Variants in SALL1 observed in about 807,000 individuals in gnomAD.
The protein encoded by SALL1 is sal-like protein 1.
In SALL1, 10 loss-of-function variants were observed where a neutral mutation model predicts 73.1. That is an observed-to-expected ratio of 0.14 (90% CI 0.08 to 0.23). The LOEUF (loss-of-function observed/expected upper bound fraction) is 0.23. SALL1 is among the 10% of genes least tolerant of loss of function. The pLI is 1.00. For missense variants in SALL1, 1,520 were observed against 1,697.3 expected, an observed-to-expected ratio of 0.90 and a Z score of 1.84; for synonymous variants, 688 against 689.8, an observed-to-expected ratio of 1.00 and a Z score of 0.04.
intron 1 of SALL1, among the ~76,000 whole-genome samples, chr16:51,145,739 C>T (rs1357159043): frequency 6.6e-6 from 1 of 152,082 alleles, no homozygotes; most frequent in East Asian, 1.9e-4. Flanking sequence ...ATGTCCCACA[C>T]AGAAAGGTTT....
In SALL1 at chr16:51,139,681, G is replaced by A. The variant is rs1962378599; in HGVS notation, c.2541C>T (p.Ser847=). 1 of 1,614,110 alleles carries A rather than the reference G, an allele frequency of 6.2e-7. No individual in the cohort carries two copies. Among genetic ancestry groups the A allele is most frequent in the African/African-American group, 1.3e-5 (1 of 74,942 alleles). The change falls in exon 2 of 3, where the codon TCC becomes TCT. Residue 847 remains serine, a synonymous_variant. Coordinates refer to ENST00000251020, the MANE Select transcript of SALL1 (RefSeq NM_002968.3). ...IPDTPKSADA[S]QDSLSSSPLP... ...AAGGCGAAGAGGATAAGCTGTCTTG[G>A]GAGGCGTCTGCAGACTTAGGTGTAT...
In SALL1 at chr16:51,140,278, G is replaced by A. The variant is rs764320248; in HGVS notation, c.1944C>T (p.Asp648=). 1 of 1,614,166 alleles carries A rather than the reference G, an allele frequency of 6.2e-7. No individual in the cohort carries two copies. Among genetic ancestry groups the A allele is most frequent in the Non-Finnish European group, 8.5e-7 (1 of 1,180,052 alleles). ...TGGTGGCACTGCCCGCGGGGCCGCA[G>A]TCTGCCGCTGGGGAGCTCAGGACGC... is the stretch of plus-strand genomic sequence containing the variant. ...SSSVLSSPAA[D]CGPAGSATTF... The change falls in exon 2 of 3, where the codon GAC becomes GAT. Residue 648 remains aspartate (D), a synonymous_variant. Transcript: ENST00000251020. The surrounding 1 kb of genome is among the most constrained non-coding windows in gnomAD (Gnocchi z 5.7).
rs1278062163 is a variant in SALL1 at position 51,142,239 on chromosome 16, A to G, written c.77-94T>C. On this transcript the variant is annotated intron_variant, in intron 1 of 2. Transcript: ENST00000251020. ...AAAAAAGGCTAATCAATGGTTTTCCACCTGCAAAACTCAAAACTGTAGCCC... is the reference window on the plus strand; with the variant it reads ...AAAAAAGGCTAATCAATGGTTTTCCGCCTGCAAAACTCAAAACTGTAGCCC... The G allele has an allele frequency of 3.1e-6, 3 of 969,960 alleles. No homozygotes were observed. In the African/African-American group the frequency reaches 4.9e-5, roughly 16 times the overall value. 60.1% of individuals were successfully genotyped at this position (969,960 alleles called of 1,614,324 possible).
rs1305658369 is a variant in SALL1 at position 51,138,884 on chromosome 16, A to G, written c.3338T>C (p.Leu1113Pro). 1.2e-6 allele frequency: 2 copies of G among 1,614,238 alleles called. No individual in the cohort carries two copies. Among genetic ancestry groups the G allele is most frequent in the Non-Finnish European group, 1.7e-6 (2 of 1,180,050 alleles). Reference sequence around the variant, plus strand: ...AACTGGGGATGTGGCAGAGGAAGACAGAGGCCCAGACGGGACGTGACTGGT... The same window carrying G: ...AACTGGGGATGTGGCAGAGGAAGACGGAGGCCCAGACGGGACGTGACTGGT... ...TPTSHVPSGP[L>P]SSSATSPVLL... Residue 1113 changes from leucine to proline, a missense_variant, in exon 2 of 3, where the codon CTG becomes CCG. By Grantham distance (98) the Leu-to-Pro change is moderately conservative. Coordinates refer to ENST00000251020, the MANE Select transcript of SALL1 (RefSeq NM_002968.3).
At chr16:51,143,416 G>GAAAA (rs34204387) in intron 1 of SALL1, 1,577 of 246,038 alleles carry the variant, frequency 6.4e-3, no homozygotes, top group South Asian at 0.015. Flanking sequence ...AGGCTGTGAA[G>GAAAA]AAAAAAAAAA....
rs1227359898 is a variant in SALL1 at position 51,137,497 on chromosome 16, A to T, written c.3590T>A (p.Leu1197His). ...NSTPARRGRR[L>H]SVDGPMTFLG... The stretch of plus-strand genomic sequence containing the variant: ...AAATGTCATGGGGCCATCCACAGAG[A>T]GCCGCCGACCCCGTCGTGCAGGGGT... The change falls in exon 3 of 3, where the codon CTC becomes CAC. Residue 1197 changes from leucine (L) to histidine (H), a missense_variant. Physicochemically the swap from Leu to His is moderately conservative, Grantham distance 99 (BLOSUM62 -3). Around this residue, in one of 7 missense-constraint regions of SALL1, gnomAD observed 318 missense variants for 357.1 expected, o/e 0.89. Coordinates refer to ENST00000251020, the MANE Select transcript of SALL1 (RefSeq NM_002968.3). 1 of 1,613,926 alleles carries T rather than the reference A, an allele frequency of 6.2e-7. No homozygotes were observed. Among genetic ancestry groups the T allele is most frequent in the Non-Finnish European group, 8.5e-7 (1 of 1,179,984 alleles).
Position 51,137,286 on chromosome 16 carries a change from G to C in SALL1, c.3801C>G (p.Leu1267=). The change falls in exon 3 of 3, where the codon CTC becomes CTG. Residue 1267 remains leucine, a synonymous_variant. Transcript: ENST00000251020. ...NGGIPPIPGS[L]GSGNSSPVSG... ...TAACAGGTGAGCTGTTCCCACTGCC[G>C]AGGCTTCCAGGAATTGGAGGGATGC... The C allele has an allele frequency of 6.2e-7, 1 of 1,614,034 alleles. No individual in the cohort carries two copies. The highest frequency in any genetic ancestry group is 8.5e-7 in the Non-Finnish European group (1 of 1,180,018).
chr16:51,141,758 C>T lies in SALL1; in HGVS notation c.464G>A (p.Ser155Asn), dbSNP rs1204817634. ...SSTAPSSSSSSSSSSGGGGSS... is the reference protein window; with the variant it reads ...SSTAPSSSSSNSSSSGGGGSS... ...GCCGCCGCCGCCGCTGCTGCTGCTGCTGCTGCTGCTGCTGCTTGGGGCGGT... is the reference window on the plus strand; with the variant it reads ...GCCGCCGCCGCCGCTGCTGCTGCTGTTGCTGCTGCTGCTGCTTGGGGCGGT... The change falls in exon 2 of 3, where the codon AGC (serine) becomes AAC (asparagine). Residue 155 changes from serine to asparagine, a missense_variant. By Grantham distance (46) the Ser-to-Asn change is conservative (BLOSUM62 1). Coordinates refer to ENST00000251020, the MANE Select transcript of SALL1 (RefSeq NM_002968.3). This position sits in a 1 kb window ranked among gnomAD's most constrained non-coding sequence, Gnocchi z 5.4. The T allele has an allele frequency of 1.2e-6, 2 of 1,613,196 alleles. No homozygotes were observed. The highest frequency in any genetic ancestry group is 1.7e-6 in the Non-Finnish European group (2 of 1,179,496).
chr16:51,137,642 C>A (rs941429186), intron 2 of SALL1, 90 bp from the exon 3 acceptor site: 14 of 976,228 alleles, frequency 1.4e-5, no homozygotes, highest in Non-Finnish European at 1.9e-5. Context: ...GAATCTGTCT[C>A]AACTCATATC....
chr16:51,140,540 G>T lies in SALL1; in HGVS notation c.1682C>A (p.Pro561Gln). 6.2e-7 allele frequency: 1 copy of T among 1,613,876 alleles called. No individual in the cohort carries two copies. Among genetic ancestry groups the T allele is most frequent in the African/African-American group, 1.3e-5 (1 of 75,006 alleles). ...GAAGGGTATGAGGCTTGGGAGGGTT[G>T]GGGGCAACGGCAGGCCGACTGAAGT... ...LTTSVGLPLPPTLPSLIPFIK... is the reference protein window; with the variant it reads ...LTTSVGLPLPQTLPSLIPFIK... The change falls in exon 2 of 3, where the codon CCA becomes CAA. Residue 561 changes from proline (P) to glutamine (Q), a missense_variant. Around this residue, in one of 7 missense-constraint regions of SALL1, gnomAD observed 276 missense variants for 259.1 expected, o/e 1.07. Coordinates refer to ENST00000251020, the MANE Select transcript of SALL1 (RefSeq NM_002968.3). This position sits in a 1 kb window ranked among gnomAD's most constrained non-coding sequence, Gnocchi z 5.7.
chr16:51,142,767 C>T (rs896200585), intron 1 of SALL1, among the ~76,000 whole-genome samples: 1 of 152,188 alleles, frequency 6.6e-6, no homozygotes. Flanking sequence ...CCAGACCGTT[C>T]CTCAAAACTC....
rs1962369671 is a variant in SALL1, at chr16:51,139,385, T to C, written c.2837A>G (p.Glu946Gly). The C allele has an allele frequency of 6.2e-7, 1 of 1,614,196 alleles. No individual in the cohort carries two copies. The highest frequency in any genetic ancestry group is 8.5e-7 in the Non-Finnish European group (1 of 1,180,026). ...GCTTGGGACCGCTCTCTGTGGTTTC[T>C]CCTCAATGCTGGGTGACTTGTGGAA... ...QEFHKSPSIE[E>G]KPQRAVPSEF... The change falls in exon 2 of 3, where the codon GAG becomes GGG. Residue 946 changes from glutamate (E) to glycine (G), a missense_variant. Glu to Gly is a moderately conservative substitution (Grantham distance 98, BLOSUM62 -2). Around this residue, in one of 7 missense-constraint regions of SALL1, gnomAD observed 266 missense variants for 275.1 expected, o/e 0.97. Transcript: ENST00000251020.
Position 51,136,675 on chromosome 16 carries a change from G to T in SALL1, c.*437C>A, listed in dbSNP as rs371127619. The T allele has an allele frequency of 1.9e-3, 337 of 176,386 alleles. 2 individuals are homozygous for T. The South Asian group carries it at 0.025, about 13-fold the overall frequency. The allele number at this position is 176,386 out of a possible 1,614,324, so 10.9% of individuals were successfully genotyped here. ...GATAAAATTTTCCAGCAGGATCAAA[G>T]TGTACATGTATATACAGACTTTATT... is the stretch of plus-strand genomic sequence containing the variant. On this transcript the variant is annotated 3_prime_UTR_variant, in exon 3 of 3. Transcript: ENST00000251020.
At chr16:51,147,379 A>C (rs1048100786) in intron 1 of SALL1, among the ~76,000 whole-genome samples, 2 of 152,228 alleles carry the variant, frequency 1.3e-5, no homozygotes, top group African/African-American at 2.4e-5. Context: ...AGAATCTTCC[A>C]TTATGACAAA....
intron 2 of SALL1, 41 bp from the exon 3 acceptor site, chr16:51,137,593 AG>A: frequency 3.3e-6 from 5 of 1,502,026 alleles, no homozygotes; most frequent in Non-Finnish European, 4.6e-6. Context: ...AGAGAGAGAG[AG>A]AGAAAAAAAA....
At chr16:51,144,274 C>T (rs189657277) in intron 1 of SALL1, among the ~76,000 whole-genome samples, 2 of 152,218 alleles carry the variant, frequency 1.3e-5, no homozygotes, top group Admixed American at 6.5e-5. Flanking sequence ...GTTATGTTTC[C>T]ATCTACTTTT....
At chr16:51,137,582 C>G (rs763320433) in intron 2 of SALL1, 30 bp from the exon 3 acceptor site, 26 of 1,503,196 alleles carry the variant, frequency 1.7e-5, no homozygotes, top group Non-Finnish European at 2.0e-5. Context: ...GGCAGAGAGA[C>G]AGAGAGAGAG....
At position 51,150,465 on chromosome 16, in the gene SALL1, C is replaced by A; in HGVS notation, c.76+701G>T. On this transcript the variant is annotated intron_variant, in intron 1 of 2. Coordinates refer to ENST00000251020, the MANE Select transcript of SALL1 (RefSeq NM_002968.3). ...TTTGCGAGCCAGACCCCGACACTTT[C>A]CCCGTCCGTTTGCACCGTCTCCGGA... 3 of 985,588 alleles carry A rather than the reference C, an allele frequency of 3.0e-6. No homozygotes were observed. In the South Asian group the frequency reaches 1.4e-4, roughly 46 times the overall value. 61.1% of individuals were successfully genotyped at this position (985,588 alleles called of 1,614,324 possible). A position where few individuals can be genotyped will look rare whatever the true frequency, so the allele number is the denominator to read the frequency against.
intron 2 of SALL1, 154 bp downstream of exon 2, chr16:51,138,534 A>C: frequency 9.8e-7 from 1 of 1,016,312 alleles, no homozygotes; most frequent in South Asian, 1.8e-5. Context: ...CCTCTCCCCC[A>C]TTTCTCCCCC....
Sources: gnomAD v4.1 joint callset for allele counts (sites outside exome capture counted in the v4.1 genomes callset) on GRCh38, gnomAD v4.1.1 for gene constraint, gnomAD v4.1.1 regional missense constraint, Gnocchi (gnomAD v3.1) non-coding constraint, MANE v1.5 for transcripts, NCBI Gene and HGNC (gene_info 2026-07-23, HGNC 2026-07-21) for gene names.